WDR18: variants seen among roughly 807,000 people sequenced by gnomAD.
The protein encoded by WDR18 is WD repeat-containing protein 18.
WDR18 carries 33 observed loss-of-function variants against 49.6 expected under a neutral mutation model. The ratio of observed to expected loss-of-function variants is 0.67; its 90% CI spans 0.50 to 0.89. WDR18 has a LOEUF of 0.89. WDR18 is among the 40% of genes least tolerant of loss of function. WDR18 has a pLI of 0.00. For synonymous variants in WDR18, 315 were observed against 263.6 expected, an observed-to-expected ratio of 1.19 and a Z score of -1.89; for missense variants, 653 against 593.6, an observed-to-expected ratio of 1.10 and a Z score of -1.04.
At chr19:993,947 G>T in intron 8 of WDR18, 73 bp from the exon 9 acceptor site, 1 of 1,511,294 alleles carries the variant, frequency 6.6e-7, no homozygotes, top group South Asian at 1.2e-5. Flanking sequence ...CCACGCTGGC[G>T]GGGGTGGGAT....
upstream of WDR18, among the ~76,000 whole-genome samples, chr19:983,326 G>A (rs190593724): frequency 4.1e-3 from 622 of 152,120 alleles, 4 homozygotes; most frequent in African/African-American, 0.014. Flanking sequence ...TTGAGACAGA[G>A]TCTCATTCGC....
At chr19:992,485 G>A (rs745407074) in intron 8 of WDR18, among the ~76,000 whole-genome samples, 14 of 152,262 alleles carry the variant, frequency 9.2e-5, no homozygotes, top group Non-Finnish European at 1.8e-4. Flanking sequence ...CTGGGCTGCC[G>A]AAGGTGCAGG....
intron 2 of WDR18, among the ~76,000 whole-genome samples, chr19:986,840 G>A (rs189536514): frequency 1.7e-4 from 26 of 152,306 alleles, no homozygotes; most frequent in African/African-American, 4.1e-4. Context: ...TTAGATCACC[G>A]GCTGTGTTGT....
At position 991,224 on chromosome 19, in the gene WDR18, C is replaced by A; in HGVS notation, c.807-3C>A. 1.3e-6 allele frequency: 2 copies of A among 1,572,804 alleles called. No homozygotes were observed. Among genetic ancestry groups the A allele is most frequent in the South Asian group, 1.2e-5 (1 of 86,720 alleles). The stretch of plus-strand genomic sequence containing the variant: ...CCCAGGTGACCCCTGTCTGTCTGTC[C>A]AGGAACCAGGTGACTTGCCTGTCAG... On this transcript the variant is annotated splice_polypyrimidine_tract_variant and splice_region_variant and intron_variant, in intron 6 of 9. Transcript: ENST00000585809.
intron 8 of WDR18, 122 bp downstream of exon 8, chr19:992,243 G>C: frequency 8.1e-7 from 1 of 1,228,712 alleles, no homozygotes; most frequent in Non-Finnish European, 1.1e-6. Flanking sequence ...CCCGGCACTG[G>C]AGGGCGCGTC....
chr19:990,863 C>T lies in WDR18; in HGVS notation c.609C>T (p.Val203=), dbSNP rs200228158. The T allele has an allele frequency of 9.8e-5, 158 of 1,607,694 alleles. No individual in the cohort carries two copies. The East Asian group carries it at 3.4e-3, about 35-fold the overall frequency. ...TTGCCCACCCGCAGCTATGGGAGGT[C>T]TCCTCGGGGGAGCTGCTGCTCTCCG... The part of the protein sequence containing the change: ...SLDQTVKLWE[V]SSGELLLSVL... Residue 203 remains valine, a synonymous_variant, in exon 5 of 10, where the codon GTC becomes GTT. Coordinates refer to ENST00000585809, the MANE Select transcript of WDR18 (RefSeq NM_024100.4).
chr19:993,910 G>A (rs1447501798), intron 8 of WDR18, 110 bp from the exon 9 acceptor site: 1 of 1,224,222 alleles, frequency 8.2e-7, no homozygotes, highest in East Asian at 2.5e-5. Context: ...GGGCGTCACG[G>A]TGGCCCCTCC....
chr19:984,626 G>C (rs2038455745), intron 1 of WDR18, 63 bp downstream of exon 1: 1 of 1,356,844 alleles, frequency 7.4e-7, no homozygotes, highest in Non-Finnish European at 9.5e-7. Flanking sequence ...CGGGGGATGG[G>C]TTGGTGGGGG....
At chr19:992,871 T>C (rs1285321520) in intron 8 of WDR18, among the ~76,000 whole-genome samples, 1 of 152,260 alleles carries the variant, frequency 6.6e-6, no homozygotes, top group African/African-American at 2.4e-5. Flanking sequence ...CTCGCTGGGC[T>C]CTGGCGCTTG....
intron 2 of WDR18, 128 bp from the exon 3 acceptor site, chr19:989,634 T>TGGGGC: frequency 2.2e-6 from 3 of 1,375,078 alleles, no homozygotes; most frequent in African/African-American, 1.5e-5. Context: ...CCCGCAGTCC[T>TGGGGC]GGGGCAGGGC....
At chr19:985,239 C>T (rs1201094570) in intron 1 of WDR18, among the ~76,000 whole-genome samples, 3 of 152,178 alleles carry the variant, frequency 2.0e-5, no homozygotes, top group Non-Finnish European at 2.9e-5. Flanking sequence ...GATCTCGGCT[C>T]ACTGCAGCCT....
At chr19:982,935 C>A (rs936073220), upstream of WDR18, among the ~76,000 whole-genome samples, 1 of 152,162 alleles carries the variant, frequency 6.6e-6, no homozygotes, top group African/African-American at 2.4e-5. Flanking sequence ...AGCCTCCTGC[C>A]CCGGCCGTGC....
At chr19:990,126 G>A (rs1257940552) in intron 3 of WDR18, 97 bp from the exon 4 acceptor site, 2 of 1,432,332 alleles carry the variant, frequency 1.4e-6, no homozygotes, top group East Asian at 2.4e-5. Context: ...AGGCTGCTGA[G>A]TGGAGGCAGG....
chr19:983,258 C>G (rs1195232994), upstream of WDR18, among the ~76,000 whole-genome samples: 3 of 152,026 alleles, frequency 2.0e-5, no homozygotes, highest in African/African-American at 7.3e-5. Flanking sequence ...ACAGTGAGAC[C>G]CCCCATCTCT....
Position 990,858 on chromosome 19 carries a change from G to C in WDR18, c.604G>C (p.Glu202Gln), listed in dbSNP as rs751239701. The C allele has an allele frequency of 3.7e-6, 6 of 1,606,230 alleles. No homozygotes were observed. The highest frequency in any genetic ancestry group is 1.7e-5 in the Admixed American group (1 of 59,366). ...GCCCTTTGCCCACCCGCAGCTATGG[G>C]AGGTCTCCTCGGGGGAGCTGCTGCT... ...SSLDQTVKLW[E>Q]VSSGELLLSV... The change falls in exon 5 of 10, where the codon GAG (glutamate) becomes CAG (glutamine). Residue 202 changes from glutamate (E) to glutamine (Q), a missense_variant. Coordinates refer to ENST00000585809, the MANE Select transcript of WDR18 (RefSeq NM_024100.4).
Position 994,208 on chromosome 19 carries a change from C to T in WDR18, c.1168-5C>T, listed in dbSNP as rs201157575. The T allele has an allele frequency of 1.2e-4, 193 of 1,597,222 alleles. 1 individual carries two copies. The highest frequency in any genetic ancestry group is 1.3e-4 in the Non-Finnish European group (156 of 1,174,654). ...TCTGCCCTCTGACCCCGACTTCTCC[C>T]GCAGAGCGTGCTCGGCGGCCAGGAC... is the stretch of plus-strand genomic sequence containing the variant. On this transcript the variant is annotated splice_region_variant and splice_polypyrimidine_tract_variant and intron_variant, in intron 9 of 9. Transcript: ENST00000585809.
At chr19:987,829 G>GTTTTTTTTTTTTCT (rs2038490847) in intron 2 of WDR18, among the ~76,000 whole-genome samples, 1 of 91,822 alleles carries the variant, frequency 1.1e-5, no homozygotes, top group Non-Finnish European at 2.0e-5. Flanking sequence ...GCCGCCTCCA[G>GTTTTTTTTTTTTCT]TTTTTTTTTT....
rs549004025 is a variant in WDR18, at chr19:986,152, C to G, written c.321+177C>G. On this transcript the variant is annotated intron_variant, in intron 2 of 9. Transcript: ENST00000585809. ...TTTCTCCAGGTCCCCTCGAGACTTG[C>G]GAATCCCAGACCAGCCCTAATCCTG... 3.3e-5 allele frequency among the ~76,000 whole-genome samples: 5 copies of G among 152,280 alleles called. No homozygotes were observed. The East Asian group carries it at 5.8e-4, about 18-fold the overall frequency.
rs749216553 is a variant in WDR18, at chr19:990,321, C to A, written c.554C>A (p.Pro185His). 3.8e-6 allele frequency: 6 copies of A among 1,594,310 alleles called. No homozygotes were observed. In the Admixed American group the frequency reaches 8.4e-5, roughly 22 times the overall value. ...ITDLHCGFGG[P>H]LARVATSSLD... ...GACCTGCACTGCGGCTTTGGGGGCC[C>A]CCTGGCCCGGGTGGCCACCTCCTCA... Residue 185 changes from proline (P) to histidine (H), a missense_variant, in exon 4 of 10, where the codon CCC becomes CAC. Physicochemically the swap from Pro to His is moderately conservative, Grantham distance 77 (BLOSUM62 -2). Coordinates refer to ENST00000585809, the MANE Select transcript of WDR18 (RefSeq NM_024100.4).
Sources: gnomAD v4.1 joint callset for allele counts (sites outside exome capture counted in the v4.1 genomes callset) on GRCh38, gnomAD v4.1.1 for gene constraint, MANE v1.5 for transcripts, NCBI Gene and HGNC (gene_info 2026-07-23, HGNC 2026-07-21) for gene names.